The following CORO7 variants were observed in gnomAD, a reference collection of about 807,000 sequenced individuals.
CORO7 encodes coronin-7.
CORO7 carries 107 observed loss-of-function variants against 126.6 expected under a neutral mutation model. That is an observed-to-expected ratio of 0.85 (90% CI 0.72 to 0.99). The LOEUF is 0.99. Among genes scored for constraint, CORO7 ranks in the 50% least tolerant of loss-of-function variants. The pLI is 0.00. For missense variants in CORO7, 1,314 were observed against 1,255.8 expected (o/e 1.05, Z -0.70); for synonymous variants, 603 against 536.8 (o/e 1.12, Z -1.70).
chr16:4,368,959 G>A (rs1386597215), intron 9 of CORO7, among the ~76,000 whole-genome samples: 1 of 152,204 alleles, frequency 6.6e-6, no homozygotes, highest in Non-Finnish European at 1.5e-5. Flanking sequence ...CCCCTCTGCT[G>A]CCCTTATGAG....
chr16:4,390,310 C>T (rs1314571177), intron 7 of CORO7, among the ~76,000 whole-genome samples: 4 of 151,436 alleles, frequency 2.6e-5, no homozygotes, highest in East Asian at 1.9e-4. Context: ...TTTTTTTAAC[C>T]TTTCCTATGG....
At chr16:4,388,091 G>T in intron 8 of CORO7, 23 bp from the exon 9 acceptor site, 1 of 1,602,500 alleles carries the variant, frequency 6.2e-7, no homozygotes, top group South Asian at 1.1e-5. Flanking sequence ...CGAGAGAGGG[G>T]CTCAGAGGGG....
At chr16:4,384,373 G>A (rs8051780) in intron 9 of CORO7, among the ~76,000 whole-genome samples, 114,204 of 152,118 alleles carry the variant, frequency 0.75, 43,072 homozygotes, top group East Asian at 0.78. Context: ...GGGTGCAGGG[G>A]GCTTGGGGAC....
At chr16:4,406,874 C>G (rs1481235130) in intron 5 of CORO7, among the ~76,000 whole-genome samples, 1 of 150,252 alleles carries the variant, frequency 6.7e-6, no homozygotes, top group African/African-American at 2.5e-5. Flanking sequence ...CTCCTGACCT[C>G]GTGATCCACC....
rs187797121 is a variant in CORO7 at position 4,379,550 on chromosome 16, C to T, written c.785+8436G>A. Among the ~76,000 whole-genome samples, 282 of 152,250 alleles carry T rather than the reference C, an allele frequency of 1.9e-3. 1 individual carries two copies. The highest frequency in any genetic ancestry group is 3.5e-3 in the Non-Finnish European group (238 of 67,994). On this transcript the variant is annotated intron_variant, in intron 9 of 27. Transcript: ENST00000251166. ...TGCTGGCACCGCAATGGCAGCGAGTCCCTGCACCTCCATGAGCCCTGCTTT... is the reference window on the plus strand; with the variant it reads ...TGCTGGCACCGCAATGGCAGCGAGTTCCTGCACCTCCATGAGCCCTGCTTT...
Position 4,361,422 on chromosome 16 carries a change from C to T in CORO7, c.1626G>A (p.Gln542=), listed in dbSNP as rs1354022594. The change falls in exon 17 of 28, where the codon CAG becomes CAA. Residue 542 remains glutamine, a synonymous_variant. Coordinates refer to ENST00000251166, the MANE Select transcript of CORO7 (RefSeq NM_024535.5). ...CCAGATCAGTCACAGCTGCCCCATT[C>T]TGCAGCGTGGGCAGTGCCGTGTCGG... The part of the protein sequence containing the change: ...RLPDTALPTL[Q]NGAAVTDLAW... The T allele has an allele frequency of 1.9e-5, 30 of 1,611,982 alleles. No individual in the cohort carries two copies. Among genetic ancestry groups the T allele is most frequent in the Non-Finnish European group, 2.5e-5 (29 of 1,179,774 alleles).
At chr16:4,388,397 C>G in intron 8 of CORO7, 148 bp downstream of exon 8, 1 of 899,042 alleles carries the variant, frequency 1.1e-6, no homozygotes, top group Non-Finnish European at 1.7e-6. Flanking sequence ...CCCTGAGGCT[C>G]TGAGACCCGG....
At chr16:4,378,324 G>A (rs999622548) in intron 9 of CORO7, among the ~76,000 whole-genome samples, 1 of 151,774 alleles carries the variant, frequency 6.6e-6, no homozygotes, top group Non-Finnish European at 1.5e-5. Flanking sequence ...CCCAAGGGGA[G>A]CTGCGGCCAC....
intron 26 of CORO7, 82 bp from the exon 27 acceptor site, chr16:4,355,454 G>T: frequency 6.9e-7 from 1 of 1,442,674 alleles, no homozygotes; most frequent in East Asian, 2.4e-5. Context: ...ACCCTGACAA[G>T]GCTGTGAAAA....
At chr16:4,401,346 C>T (rs2055798849) in intron 6 of CORO7, among the ~76,000 whole-genome samples, 1 of 152,162 alleles carries the variant, frequency 6.6e-6, no homozygotes. Context: ...CTGGCAGAGG[C>T]GGGGGCCTGT....
intron 6 of CORO7, among the ~76,000 whole-genome samples, chr16:4,405,229 T>C (rs1051200545): frequency 6.6e-6 from 1 of 152,198 alleles, no homozygotes; most frequent in African/African-American, 2.4e-5. Flanking sequence ...CAGAGGAGGC[T>C]GCCTGAGGGT....
intron 6 of CORO7, among the ~76,000 whole-genome samples, chr16:4,401,154 T>C (rs9925955): frequency 0.012 from 1,869 of 152,268 alleles, 43 homozygotes; most frequent in African/African-American, 0.043. Flanking sequence ...GGGAAGAACT[T>C]AGACCTGGTC....
intron 9 of CORO7, chr16:4,382,958 C>G: frequency 1.4e-6 from 2 of 1,433,326 alleles, no homozygotes; most frequent in Middle Eastern, 2.0e-4. Context: ...GGCCAGCCCC[C>G]TCCTGCTGCC....
chr16:4,396,331 G>A (rs1359532328), intron 6 of CORO7, among the ~76,000 whole-genome samples: 1 of 152,002 alleles, frequency 6.6e-6, no homozygotes, highest in Admixed American at 6.6e-5. Flanking sequence ...CGCCCGCCTC[G>A]GCCTCCCAAA....
intron 3 of CORO7, among the ~76,000 whole-genome samples, chr16:4,408,639 G>A (rs932844882): frequency 1.3e-5 from 2 of 152,218 alleles, no homozygotes; most frequent in East Asian, 1.9e-4. Context: ...TAAGCAAGCC[G>A]GAGTTGGCTT....
intron 9 of CORO7, chr16:4,381,294 C>T: frequency 6.2e-7 from 1 of 1,612,414 alleles, no homozygotes; most frequent in Non-Finnish European, 8.5e-7. Context: ...TCCGCCACAT[C>T]CAGCCTGGTG....
chr16:4,362,259 G>A lies in CORO7; in HGVS notation c.1403-99C>T. 2.0e-6 allele frequency: 3 copies of A among 1,470,590 alleles called. No individual in the cohort carries two copies. The highest frequency in any genetic ancestry group is 2.4e-5 in the East Asian group (1 of 41,646). 91.1% of individuals were successfully genotyped at this position (1,470,590 alleles called of 1,614,324 possible). A position where few individuals can be genotyped will look rare whatever the true frequency, so the allele number is the denominator to read the frequency against. ...GCTGCCCACTCCCCTCACCCCAGGT[G>A]GATGTACAGCATGGACCTAGGCCCA... On this transcript the variant is annotated intron_variant, in intron 15 of 27. Transcript: ENST00000251166. The surrounding 1 kb of genome is among the most constrained non-coding windows in gnomAD (Gnocchi z 5.3).
intron 25 of CORO7, chr16:4,357,744 A>AGT: frequency 1.4e-6 from 1 of 694,958 alleles, no homozygotes; most frequent in Non-Finnish European, 2.3e-6. Flanking sequence ...TAGACACCAC[A>AGT]GTGTGTGCGT....
At chr16:4,390,498 T>C (rs1282308121) in intron 7 of CORO7, among the ~76,000 whole-genome samples, 1 of 152,172 alleles carries the variant, frequency 6.6e-6, no homozygotes, top group Non-Finnish European at 1.5e-5. Flanking sequence ...GGAGGGTTGA[T>C]AGGCGTGAGC....
Sources: gnomAD v4.1 joint callset for allele counts (sites outside exome capture counted in the v4.1 genomes callset) on GRCh38, gnomAD v4.1.1 for gene constraint, Gnocchi (gnomAD v3.1) non-coding constraint, MANE v1.5 for transcripts, NCBI Gene and HGNC (gene_info 2026-07-23, HGNC 2026-07-21) for gene names.